The following JMY variants were observed in gnomAD, a reference collection of about 807,000 sequenced individuals.
The protein encoded by JMY is junction-mediating and -regulatory protein.
JMY carries 46 observed loss-of-function variants against 103.3 expected under a neutral mutation model. The ratio of observed to expected loss-of-function variants is 0.45; its 90% confidence interval spans 0.35 to 0.57. JMY has a LOEUF of 0.57. JMY is among the 20% of genes least tolerant of loss of function. JMY has a pLI of 0.00. For synonymous variants in JMY, 526 were observed against 489.3 expected (o/e 1.07, Z -0.99); for missense variants, 1,238 against 1,255.2 (o/e 0.99, Z 0.21).
chr5:79,249,882 T>G (rs1473293476), intron 1 of JMY, among the ~76,000 whole-genome samples: 1 of 152,154 alleles, frequency 6.6e-6, no homozygotes, highest in African/African-American at 2.4e-5. Context: ...CTACAGGGGT[T>G]CATACCTCAC....
intron 1 of JMY, among the ~76,000 whole-genome samples, chr5:79,261,668 T>G (rs2112066664): frequency 6.6e-6 from 1 of 152,290 alleles, no homozygotes; most frequent in South Asian, 2.1e-4. Context: ...CCTTTCCCCT[T>G]TAAATTTGGA....
At chr5:79,314,192 T>G in intron 8 of JMY, 65 bp from the exon 9 acceptor site, 1 of 1,527,202 alleles carries the variant, frequency 6.5e-7, no homozygotes, top group South Asian at 1.3e-5. Flanking sequence ...AGAAAATAAA[T>G]AGGCATGTGC....
intron 1 of JMY, among the ~76,000 whole-genome samples, chr5:79,250,039 A>G (rs1315808335): frequency 6.6e-6 from 1 of 152,234 alleles, no homozygotes; most frequent in African/African-American, 2.4e-5. Flanking sequence ...CTAGCGTGGT[A>G]TCTAATATAG....
chr5:79,240,123 C>G (rs1371863276), intron 1 of JMY, among the ~76,000 whole-genome samples: 2 of 151,542 alleles, frequency 1.3e-5, no homozygotes, highest in Non-Finnish European at 2.9e-5. Context: ...TCCAGTGATT[C>G]TCCTCCCTCA....
chr5:79,302,847 G>A (rs903239015), intron 6 of JMY, among the ~76,000 whole-genome samples: 5 of 152,232 alleles, frequency 3.3e-5, no homozygotes, highest in Non-Finnish European at 7.3e-5. Context: ...ATAAGGTTGA[G>A]AGGTTAAGAC....
chr5:79,259,011 A>G (rs1207409615), intron 1 of JMY, among the ~76,000 whole-genome samples: 2 of 152,202 alleles, frequency 1.3e-5, no homozygotes, highest in African/African-American at 2.4e-5. Context: ...ATTGAGCAAT[A>G]GAACAACTCA....
At position 79,285,030 on chromosome 5, in the gene JMY, A is replaced by AGCTGG. The variant is rs1746227815; in HGVS notation, c.1207-5090_1207-5086dup. On this transcript the variant is annotated intron_variant, in intron 2 of 10. Coordinates refer to ENST00000396137, the MANE Select transcript of JMY (RefSeq NM_152405.5). Reference sequence around the variant, plus strand: ...CCAGTGTCTTTAATGAGTCAGAGCCAGCTGGACTATACTCATCATCTTGAT... The same window carrying AGCTGG: ...CCAGTGTCTTTAATGAGTCAGAGCCAGCTGGGCTGGACTATACTCATCATCTTGAT... 5 of 671,016 alleles carry AGCTGG rather than the reference A, an allele frequency of 7.5e-6. No homozygotes were observed. In the South Asian group the frequency reaches 9.1e-5, roughly 12 times the overall value. 41.6% of individuals were successfully genotyped at this position (671,016 alleles called of 1,614,324 possible).
chr5:79,277,980 C>G lies in JMY; in HGVS notation c.1103C>G (p.Ala368Gly). ...GACTTGTATCAGATGGAGGATGAAG[C>G]CTACAGCAGCCTTGCAGAAGCTACA... ...LLDLYQMEDEAYSSLAEATTE... is the reference protein window; with the variant it reads ...LLDLYQMEDEGYSSLAEATTE... Residue 368 changes from alanine (A) to glycine (G), a missense_variant, in exon 2 of 11, where the codon GCC becomes GGC. By Grantham distance (60) the Ala-to-Gly change is moderately conservative. Coordinates refer to ENST00000396137, the MANE Select transcript of JMY (RefSeq NM_152405.5). The G allele has an allele frequency of 6.2e-7, 1 of 1,613,930 alleles. No homozygotes were observed. Among genetic ancestry groups the G allele is most frequent in the Non-Finnish European group, 8.5e-7 (1 of 1,179,886 alleles).
At chr5:79,317,755 G>A (rs978912391) in intron 10 of JMY, among the ~76,000 whole-genome samples, 7 of 152,202 alleles carry the variant, frequency 4.6e-5, no homozygotes, top group Admixed American at 4.6e-4. Context: ...CTGGAGTGCA[G>A]TGGCACGTTC....
In JMY at chr5:79,326,528, C is replaced by T. The variant is rs1747651359; in HGVS notation, c.*4926C>T. On this transcript the variant is annotated 3_prime_UTR_variant, in exon 11 of 11. Coordinates refer to ENST00000396137, the MANE Select transcript of JMY (RefSeq NM_152405.5). ...CTACCCATACAGTGACTTCTGAGTT[C>T]TTTAACTTTGACAGAATCTCCATTG... is the stretch of plus-strand genomic sequence containing the variant. 1 of 151,698 alleles carries T rather than the reference C, an allele frequency of 6.6e-6. No homozygotes were observed. The highest frequency in any genetic ancestry group is 2.4e-5 in the African/African-American group (1 of 41,134). 9.4% of individuals were successfully genotyped at this position (151,698 alleles called of 1,614,324 possible). A position where few individuals can be genotyped will look rare whatever the true frequency, so the allele number is the denominator to read the frequency against.
Position 79,247,702 on chromosome 5 carries a change from G to A in JMY, c.1032+10020G>A, listed in dbSNP as rs186704460. On this transcript the variant is annotated intron_variant, in intron 1 of 10. Coordinates refer to ENST00000396137, the MANE Select transcript of JMY (RefSeq NM_152405.5). ...GAGTCTTGCTCTGTTGCCCAGGATG[G>A]AGTATAGTGGCACAATCTCTGCTCA... Among the ~76,000 whole-genome samples, 754 of 151,612 alleles carry A rather than the reference G, an allele frequency of 5.0e-3. 6 individuals are homozygous for A. Among genetic ancestry groups the A allele is most frequent in the South Asian group, 0.031 (147 of 4,782 alleles).
In JMY at chr5:79,316,098, G is replaced by C; in HGVS notation, c.2758G>C (p.Asp920His). Residue 920 changes from aspartate to histidine, a missense_variant, in exon 10 of 11, where the codon GAT (aspartate) becomes CAT (histidine). Coordinates refer to ENST00000396137, the MANE Select transcript of JMY (RefSeq NM_152405.5). The part of the protein sequence containing the change: ...QRTLPPFPDE[D>H]DSNNILAQIR... ...AACTCTGCCTCCTTTTCCTGATGAA[G>C]ATGATAGTAATAATATCTTGGCACA... 2 of 1,614,132 alleles carry C rather than the reference G, an allele frequency of 1.2e-6. No homozygotes were observed. The highest frequency in any genetic ancestry group is 2.7e-5 in the African/African-American group (2 of 75,062).
intron 1 of JMY, among the ~76,000 whole-genome samples, chr5:79,276,315 C>T (rs774450898): frequency 1.3e-5 from 2 of 151,974 alleles, no homozygotes; most frequent in Non-Finnish European, 2.9e-5. Flanking sequence ...GGTGGGGTTT[C>T]ACCATGTTGG....
intron 1 of JMY, among the ~76,000 whole-genome samples, chr5:79,239,839 G>C (rs911315940): frequency 1.3e-5 from 2 of 148,944 alleles, no homozygotes; most frequent in Non-Finnish European, 3.0e-5. Flanking sequence ...AAAAGAAAAA[G>C]AGAAAAAGCG....
At chr5:79,272,390 T>C (rs1368961206) in intron 1 of JMY, among the ~76,000 whole-genome samples, 2 of 152,180 alleles carry the variant, frequency 1.3e-5, no homozygotes, top group Non-Finnish European at 1.5e-5. Context: ...TTTAGGTCTA[T>C]TTGTTTTCTG....
chr5:79,292,651 G>C (rs754849932), intron 4 of JMY, among the ~76,000 whole-genome samples: 24 of 152,150 alleles, frequency 1.6e-4, no homozygotes, highest in Middle Eastern at 6.8e-3. Flanking sequence ...TTCTAACCTG[G>C]CTAACACTGA....
At chr5:79,270,046 G>GGTGT (rs1745698802) in intron 1 of JMY, among the ~76,000 whole-genome samples, 2 of 151,830 alleles carry the variant, frequency 1.3e-5, no homozygotes, top group African/African-American at 4.8e-5. Context: ...GGAGTGTGTG[G>GGTGT]GTGTGTGTAC....
At chr5:79,246,170 C>T (rs1744894387) in intron 1 of JMY, among the ~76,000 whole-genome samples, 1 of 152,084 alleles carries the variant, frequency 6.6e-6, no homozygotes, top group African/African-American at 2.4e-5. Flanking sequence ...ATTAAAACTG[C>T]TTTTCCGATC....
chr5:79,318,757 T>TAGAGAG (rs1381346517), intron 10 of JMY, among the ~76,000 whole-genome samples: 9 of 24,692 alleles, frequency 3.6e-4, no homozygotes, highest in East Asian at 2.4e-3. Context: ...TATATATATA[T>TAGAGAG]ATATAGAGAG....
Sources: allele counts gnomAD v4.1 joint callset (sites outside exome capture counted in the v4.1 genomes callset), GRCh38; gene constraint gnomAD v4.1.1; transcripts MANE v1.5; gene names NCBI Gene and HGNC (gene_info 2026-07-23, HGNC 2026-07-21).